The following SUMF1 variants were observed in gnomAD, a reference collection of about 807,000 sequenced individuals.
SUMF1 encodes the protein formylglycine-generating enzyme.
SUMF1 carries 48 observed loss-of-function variants against 47.6 expected under a neutral mutation model. The observed-to-expected ratio is 1.01, with a 90% CI of 0.80 to 1.28. The LOEUF (loss-of-function observed/expected upper bound fraction) is 1.28. SUMF1 is among the 50% of genes most tolerant of loss of function. The pLI is 0.00. For synonymous variants in SUMF1, 230 were observed against 192.1 expected (o/e 1.20, Z -1.63); for missense variants, 571 against 485.4 (o/e 1.18, Z -1.66).
chr3:4,170,487 G>A (rs1694809464), intron 8 of SUMF1, among the ~76,000 whole-genome samples: 1 of 152,194 alleles, frequency 6.6e-6, no homozygotes, highest in African/African-American at 2.4e-5. Flanking sequence ...ATGTAAGACA[G>A]GAGTGGGGAA....
intron 8 of SUMF1, among the ~76,000 whole-genome samples, chr3:4,227,224 C>T (rs1263200236): frequency 6.6e-6 from 1 of 152,100 alleles, no homozygotes; most frequent in East Asian, 1.9e-4. Context: ...TTTCCTTGAC[C>T]ATTCAAGTCA....
Position 4,340,101 on chromosome 3 carries a change from ATG to A in SUMF1, c.1014+36227_1014+36228del, listed in dbSNP as rs780892088. ...TCAAAACACACACACACAGGCACCAATGTGCACACACACACACACACACAAAC... is the reference window on the plus strand; with the variant it reads ...TCAAAACACACACACACAGGCACCAATGCACACACACACACACACACAAAC... On this transcript the variant is annotated intron_variant and NMD_transcript_variant, in intron 8 of 12. Transcript: ENST00000448413. 3.7e-4 allele frequency among the ~76,000 whole-genome samples: 49 copies of A among 131,402 alleles called. 2 individuals carry two copies. The South Asian group carries it at 0.01, about 28-fold the overall frequency. The allele number at this position is 131,402 out of a possible 152,430, so 86.2% of individuals were successfully genotyped here. A position where few individuals can be genotyped will look rare whatever the true frequency, so the allele number is the denominator to read the frequency against.
intron 8 of SUMF1, among the ~76,000 whole-genome samples, chr3:4,297,823 G>C (rs1293932744): frequency 6.6e-6 from 1 of 152,064 alleles, no homozygotes; most frequent in Non-Finnish European, 1.5e-5. Context: ...AGAATATTAA[G>C]CTCAGATAAT....
At chr3:4,263,463 G>C (rs1697126308) in intron 8 of SUMF1, among the ~76,000 whole-genome samples, 1 of 152,124 alleles carries the variant, frequency 6.6e-6, no homozygotes, top group Non-Finnish European at 1.5e-5. Flanking sequence ...CCTTAGCCTA[G>C]CAGATCCAAG....
At chr3:4,053,303 C>A (rs1360270494) in intron 9 of SUMF1, among the ~76,000 whole-genome samples, 2 of 151,886 alleles carry the variant, frequency 1.3e-5, no homozygotes, top group African/African-American at 4.8e-5. Context: ...TCGTGGCACC[C>A]CAAAACAATT....
chr3:4,302,001 G>A (rs1488872482), intron 8 of SUMF1, among the ~76,000 whole-genome samples: 2 of 152,138 alleles, frequency 1.3e-5, no homozygotes. Context: ...GAAACAGTCA[G>A]GCAGGAAAAC....
chr3:4,326,008 A>G (rs1698937397), intron 8 of SUMF1, among the ~76,000 whole-genome samples: 1 of 152,092 alleles, frequency 6.6e-6, no homozygotes, highest in East Asian at 1.9e-4. Flanking sequence ...TTTTAGTTGA[A>G]ACAGGGTTTC....
intron 8 of SUMF1, among the ~76,000 whole-genome samples, chr3:4,103,903 C>T (rs1304143016): frequency 1.3e-5 from 2 of 152,134 alleles, no homozygotes; most frequent in Non-Finnish European, 2.9e-5. Flanking sequence ...AATTACCTCA[C>T]ACATTTTTCA....
chr3:4,275,947 AT>A (rs1331192792), intron 8 of SUMF1, among the ~76,000 whole-genome samples: 1 of 152,142 alleles, frequency 6.6e-6, no homozygotes, highest in Admixed American at 6.6e-5. Flanking sequence ...ATTAAAAAAT[AT>A]TTTTTTAACT....
At chr3:4,263,605 C>T (rs554425434) in intron 8 of SUMF1, among the ~76,000 whole-genome samples, 1 of 152,272 alleles carries the variant, frequency 6.6e-6, no homozygotes, top group South Asian at 2.1e-4. Flanking sequence ...TGATTCCTGT[C>T]TTCTTTCACC....
chr3:4,463,688 A>G (rs1313712180), intron 1 of SUMF1, among the ~76,000 whole-genome samples: 1 of 152,212 alleles, frequency 6.6e-6, no homozygotes, highest in Non-Finnish European at 1.5e-5. Context: ...ACCAGTCAGA[A>G]ACCTCCTCAG....
intron 3 of SUMF1, among the ~76,000 whole-genome samples, chr3:4,439,419 G>A (rs145815452): frequency 0.01 from 1,529 of 152,160 alleles, 22 homozygotes; most frequent in African/African-American, 0.033. Context: ...CCAGCTACTC[G>A]AGAGGCAGAG....
At chr3:4,154,626 T>A (rs115142629) in intron 8 of SUMF1, among the ~76,000 whole-genome samples, 4,329 of 151,536 alleles carry the variant, frequency 0.029, 171 homozygotes, top group African/African-American at 0.052. Flanking sequence ...CGTTGATCTG[T>A]CCCCCAAACC....
intron 1 of SUMF1, 60 bp from the exon 2 acceptor site, chr3:4,453,109 G>T: frequency 6.5e-7 from 1 of 1,545,492 alleles, no homozygotes; most frequent in Non-Finnish European, 8.8e-7. Context: ...ACCTGTGTAG[G>T]GGTAAAGTTC....
chr3:4,251,361 T>C (rs1575020051), intron 8 of SUMF1, among the ~76,000 whole-genome samples: 1 of 152,342 alleles, frequency 6.6e-6, no homozygotes, highest in Non-Finnish European at 1.5e-5. Flanking sequence ...AGTGATTTCT[T>C]GAGATGGAAT....
intron 7 of SUMF1, among the ~76,000 whole-genome samples, chr3:4,385,005 C>A (rs1158912183): frequency 6.6e-6 from 1 of 151,956 alleles, no homozygotes; most frequent in African/African-American, 2.4e-5. Context: ...CCTGCCTCAG[C>A]CACCCGAGTA....
chr3:4,309,314 T>G (rs1698314603), intron 8 of SUMF1, among the ~76,000 whole-genome samples: 2 of 152,182 alleles, frequency 1.3e-5, no homozygotes, highest in African/African-American at 4.8e-5. Context: ...CATCATGACC[T>G]GAACTAGTTT....
intron 8 of SUMF1, among the ~76,000 whole-genome samples, chr3:4,330,821 T>G (rs1286049612): frequency 6.6e-6 from 1 of 152,222 alleles, no homozygotes; most frequent in Non-Finnish European, 1.5e-5. Flanking sequence ...AGCCAATTTT[T>G]AGTAAAACAT....
intron 1 of SUMF1, among the ~76,000 whole-genome samples, chr3:4,461,839 G>T (rs961956229): frequency 6.6e-6 from 1 of 152,230 alleles, no homozygotes. Flanking sequence ...CACTCTGTAG[G>T]ATCCAAAGCC....
Sources: gnomAD v4.1 joint callset for allele counts (sites outside exome capture counted in the v4.1 genomes callset) on GRCh38, gnomAD v4.1.1 for gene constraint, MANE v1.5 for transcripts, NCBI Gene and HGNC (gene_info 2026-07-23, HGNC 2026-07-21) for gene names.